Variants in DCC observed in about 807,000 individuals in gnomAD.
DCC encodes netrin receptor DCC.
In DCC, 58 loss-of-function variants were observed where a neutral mutation model predicts 172.5. The observed-to-expected ratio is 0.34, with a 90% CI of 0.27 to 0.42. DCC has a LOEUF of 0.42. Among genes scored for constraint, DCC ranks in the 10% least tolerant of loss-of-function variants. DCC has a pLI of 1.00. For missense variants in DCC, 1,740 were observed against 1,791.0 expected, an observed-to-expected ratio of 0.97 and a Z score of 0.51; for synonymous variants, 709 against 644.5, an observed-to-expected ratio of 1.10 and a Z score of -1.52.
intron 5 of DCC, among the ~76,000 whole-genome samples, chr18:53,017,847 TG>T (rs1269557734): frequency 6.6e-6 from 1 of 152,232 alleles, no homozygotes; most frequent in African/African-American, 2.4e-5. Flanking sequence ...TCCGTAAAGT[TG>T]TTTCTAATGT....
intron 15 of DCC, among the ~76,000 whole-genome samples, chr18:53,384,669 A>G (rs1908006411): frequency 6.6e-6 from 1 of 151,912 alleles, no homozygotes; most frequent in Non-Finnish European, 1.5e-5. Flanking sequence ...ACTTTTTCAT[A>G]TCTGGCATTT....
rs184812403 is a variant in DCC, at chr18:52,950,406, A to G, written c.985+25036A>G. Among the ~76,000 whole-genome samples, 43 of 152,334 alleles carry G rather than the reference A, an allele frequency of 2.8e-4. 2 individuals carry two copies. Among genetic ancestry groups the G allele is most frequent in the Admixed American group, 2.8e-3 (43 of 15,306 alleles). ...ACTCTTTAAAAACCATCACCACATT[A>G]TAACACATCTGAGCATCAGCACTCT... On this transcript the variant is annotated intron_variant, in intron 5 of 28. Coordinates refer to ENST00000442544, the MANE Select transcript of DCC (RefSeq NM_005215.4).
At chr18:52,527,231 C>CT (rs1451266967) in intron 1 of DCC, among the ~76,000 whole-genome samples, 1 of 152,140 alleles carries the variant, frequency 6.6e-6, no homozygotes, top group Admixed American at 6.5e-5. Context: ...ATTTGTTCTT[C>CT]TTTTTTTCAA....
At chr18:52,452,135 G>C (rs1025534698) in intron 1 of DCC, among the ~76,000 whole-genome samples, 1 of 152,106 alleles carries the variant, frequency 6.6e-6, no homozygotes, top group Non-Finnish European at 1.5e-5. Flanking sequence ...CAGACAAGCT[G>C]TTTTCACAAG....
intron 7 of DCC, among the ~76,000 whole-genome samples, chr18:53,081,090 A>T (rs2042793608): frequency 2.0e-5 from 3 of 152,098 alleles, no homozygotes; most frequent in Admixed American, 2.0e-4. Context: ...CTTAAATATC[A>T]GAAGGTAAAA....
chr18:52,373,643 A>G (rs1985219101), intron 1 of DCC, among the ~76,000 whole-genome samples: 1 of 152,124 alleles, frequency 6.6e-6, no homozygotes, highest in South Asian at 2.1e-4. Flanking sequence ...TGTGAAGGTT[A>G]GAGCTCTCTC....
chr18:52,715,906 C>T (rs947137530), intron 1 of DCC, among the ~76,000 whole-genome samples: 2 of 143,132 alleles, frequency 1.4e-5, no homozygotes, highest in African/African-American at 4.9e-5. Flanking sequence ...TCTGAGTTCT[C>T]CTTCTATCTG....
intron 1 of DCC, among the ~76,000 whole-genome samples, chr18:52,676,361 C>T (rs188374400): frequency 2.6e-5 from 4 of 152,236 alleles, no homozygotes; most frequent in African/African-American, 9.6e-5. Context: ...ATGGTGTCTA[C>T]CACTATTTTT....
intron 3 of DCC, among the ~76,000 whole-genome samples, chr18:52,914,185 A>ACTGT: frequency 6.6e-6 from 1 of 150,546 alleles, no homozygotes; most frequent in Non-Finnish European, 1.5e-5. Flanking sequence ...CTGGGATTCT[A>ACTGT]CTGTCAGCTG....
At chr18:52,913,708 A>G (rs2040001565) in intron 3 of DCC, among the ~76,000 whole-genome samples, 2 of 152,154 alleles carry the variant, frequency 1.3e-5, no homozygotes, top group Non-Finnish European at 2.9e-5. Flanking sequence ...AGGCCAAAAT[A>G]TGGTCATTTC....
At chr18:52,422,085 C>T (rs1168481080) in intron 1 of DCC, among the ~76,000 whole-genome samples, 1 of 152,066 alleles carries the variant, frequency 6.6e-6, no homozygotes, top group East Asian at 1.9e-4. Context: ...TATTTGCCAA[C>T]ATGTAGATAA....
chr18:53,401,063 CTG>C (rs1291086923), intron 18 of DCC, among the ~76,000 whole-genome samples: 1 of 152,136 alleles, frequency 6.6e-6, no homozygotes, highest in Non-Finnish European at 1.5e-5. Flanking sequence ...GGAAAATATC[CTG>C]AATGACCTCT....
chr18:52,495,992 T>G (rs2030732385), intron 1 of DCC, among the ~76,000 whole-genome samples: 1 of 152,092 alleles, frequency 6.6e-6, no homozygotes, highest in Admixed American at 6.6e-5. Flanking sequence ...GATCAAATAT[T>G]TATTGATTAC....
chr18:53,531,536 T>C lies in DCC; in HGVS notation c.*883T>C, dbSNP rs1257461803. On this transcript the variant is annotated 3_prime_UTR_variant, in exon 29 of 29. Coordinates refer to ENST00000442544, the MANE Select transcript of DCC (RefSeq NM_005215.4). The stretch of plus-strand genomic sequence containing the variant: ...CACTAAGGCCATCTTCCTTAGGAGT[T>C]TGGCCAGAAGAATGCCCCCACCCCT... 6.5e-6 allele frequency: 1 copy of C among 152,688 alleles called. No homozygotes were observed. Among genetic ancestry groups the C allele is most frequent in the African/African-American group, 2.4e-5 (1 of 41,446 alleles). The allele number at this position is 152,688 out of a possible 1,614,324, so 9.5% of individuals were successfully genotyped here.
At chr18:53,429,619 G>T (rs1341102981) in intron 21 of DCC, among the ~76,000 whole-genome samples, 1 of 152,002 alleles carries the variant, frequency 6.6e-6, no homozygotes, top group East Asian at 1.9e-4. Context: ...ATGGGTAATG[G>T]CATATTTGGT....
chr18:52,888,184 G>T (rs980248313), intron 2 of DCC, among the ~76,000 whole-genome samples: 1 of 152,166 alleles, frequency 6.6e-6, no homozygotes, highest in Admixed American at 6.6e-5. Flanking sequence ...TAATTAAATG[G>T]TCTCATTGCT....
At chr18:52,589,914 G>A (rs750107759) in intron 1 of DCC, among the ~76,000 whole-genome samples, 2 of 152,164 alleles carry the variant, frequency 1.3e-5, no homozygotes, top group African/African-American at 4.8e-5. Context: ...AGGAAAGAGA[G>A]ATTCACTGCT....
intron 2 of DCC, among the ~76,000 whole-genome samples, chr18:52,839,408 T>G (rs1165626528): frequency 1.3e-5 from 2 of 152,154 alleles, no homozygotes; most frequent in Non-Finnish European, 2.9e-5. Flanking sequence ...ACTTTGCTCC[T>G]GAGACATCTT....
chr18:53,150,864 T>A (rs944434348), intron 7 of DCC, among the ~76,000 whole-genome samples: 28 of 152,170 alleles, frequency 1.8e-4, no homozygotes, highest in Non-Finnish European at 4.4e-5. Context: ...GAAACCTAGC[T>A]CCGCACTCTC....
Sources: allele counts gnomAD v4.1 joint callset (sites outside exome capture counted in the v4.1 genomes callset), GRCh38; gene constraint gnomAD v4.1.1; transcripts MANE v1.5; gene names NCBI Gene and HGNC (gene_info 2026-07-23, HGNC 2026-07-21).